The following CPED1 variants were observed in gnomAD, a reference collection of about 807,000 sequenced individuals.
The protein encoded by CPED1 is cadherin like and PC-esterase domain containing 1.
In CPED1, 114 loss-of-function variants were observed where a neutral mutation model predicts 128.2. The observed-to-expected ratio is 0.89, with a 90% CI of 0.76 to 1.04. The LOEUF is 1.04. Among genes scored for constraint, CPED1 ranks in the 50% least tolerant of loss-of-function variants. The pLI, the probability that CPED1 is intolerant of heterozygous loss-of-function variation, is 0.00. For synonymous variants in CPED1, 462 were observed against 426.7 expected (o/e 1.08, Z -1.02); for missense variants, 1,211 against 1,207.1 (o/e 1.00, Z -0.05).
intron 16 of CPED1, among the ~76,000 whole-genome samples, chr7:121,147,680 G>A (rs575949958): frequency 7.9e-4 from 120 of 152,086 alleles, no homozygotes; most frequent in Non-Finnish European, 1.6e-3. Flanking sequence ...CACCAGAATA[G>A]GGTCATAAAT....
intron 15 of CPED1, 116 bp from the exon 16 acceptor site, chr7:121,141,857 A>G: frequency 1.4e-6 from 1 of 736,684 alleles, no homozygotes; most frequent in Middle Eastern, 2.5e-4. Flanking sequence ...AATTGTACAG[A>G]CCTTTCCTGT....
At chr7:121,124,167 T>C (rs763985604) in intron 7 of CPED1, among the ~76,000 whole-genome samples, 164 bp from the exon 8 acceptor site, 5 of 152,192 alleles carry the variant, frequency 3.3e-5, no homozygotes, top group Non-Finnish European at 7.4e-5. Flanking sequence ...TCTCTTTCAA[T>C]ATACCTGTAT....
At chr7:121,293,108 A>G (rs1792745522) in intron 22 of CPED1, among the ~76,000 whole-genome samples, 1 of 152,174 alleles carries the variant, frequency 6.6e-6, no homozygotes, top group Non-Finnish European at 1.5e-5. Context: ...AGTCTGCTGA[A>G]GCTGCAACCA....
At chr7:121,031,061 A>G (rs1792716978) in intron 3 of CPED1, among the ~76,000 whole-genome samples, 1 of 152,198 alleles carries the variant, frequency 6.6e-6, no homozygotes, top group African/African-American at 2.4e-5. Context: ...TTTAACCAGA[A>G]TATCATACAG....
intron 17 of CPED1, among the ~76,000 whole-genome samples, chr7:121,240,290 C>A (rs1055734775): frequency 6.6e-6 from 1 of 152,224 alleles, no homozygotes; most frequent in African/African-American, 2.4e-5. Flanking sequence ...TCAGTTTTTA[C>A]AAAATTAGCT....
intron 10 of CPED1, 44 bp downstream of exon 10, chr7:121,127,301 T>A (rs367905974): frequency 1.4e-5 from 17 of 1,237,778 alleles, no homozygotes; most frequent in Non-Finnish European, 1.9e-5. Flanking sequence ...TTCAAGTCAT[T>A]CCTTAGAAGG....
intron 18 of CPED1, among the ~76,000 whole-genome samples, chr7:121,251,868 T>C (rs13230457): frequency 6.6e-6 from 1 of 150,544 alleles, no homozygotes; most frequent in Non-Finnish European, 1.5e-5. Flanking sequence ...GAATCAATAT[T>C]GTGAAAATGG....
At chr7:121,264,558 G>T (rs993737428) in intron 18 of CPED1, among the ~76,000 whole-genome samples, 2 of 152,014 alleles carry the variant, frequency 1.3e-5, no homozygotes, top group African/African-American at 4.8e-5. Context: ...AGGCAAATTG[G>T]AGAAGCTTTC....
At chr7:121,108,550 A>G (rs1359847019) in intron 7 of CPED1, among the ~76,000 whole-genome samples, 2 of 152,158 alleles carry the variant, frequency 1.3e-5, no homozygotes, top group Non-Finnish European at 2.9e-5. Flanking sequence ...TATTAGTCAT[A>G]AACTTGTGAG....
intron 4 of CPED1, among the ~76,000 whole-genome samples, chr7:121,055,809 A>G (rs961505645): frequency 6.6e-6 from 1 of 151,970 alleles, no homozygotes; most frequent in South Asian, 2.1e-4. Flanking sequence ...ACTGTTAGAA[A>G]ATACAATTTC....
chr7:121,280,573 AGTTTTAGTCTTG>A (rs1792442763), intron 22 of CPED1, among the ~76,000 whole-genome samples: 1 of 152,182 alleles, frequency 6.6e-6, no homozygotes, highest in Non-Finnish European at 1.5e-5. Flanking sequence ...TCCTAAAGAA[AGTTTTAGTCTTG>A]CCCCCTAATC....
intron 5 of CPED1, among the ~76,000 whole-genome samples, chr7:121,071,883 T>G (rs1011678765): frequency 6.6e-6 from 1 of 152,132 alleles, no homozygotes; most frequent in African/African-American, 2.4e-5. Flanking sequence ...GTAGCCCTGC[T>G]CAGTAACTTT....
In CPED1 at chr7:121,130,200, C is replaced by T. The variant is rs1425835025; in HGVS notation, c.1483C>T (p.Pro495Ser). The T allele has an allele frequency of 1.9e-6, 3 of 1,612,286 alleles. No homozygotes were observed. Among genetic ancestry groups the T allele is most frequent in the Non-Finnish European group, 2.5e-6 (3 of 1,178,644 alleles). ...FYDVANPVGN[P>S]GSVLTQYWSL... ...TGATGTGGCAAATCCTGTGGGAAAT[C>T]CTGGCTCAGTCCTGACCCAATACTG... The change falls in exon 12 of 23, where the codon CCT (proline) becomes TCT (serine). Residue 495 changes from proline to serine, a missense_variant. By Grantham distance (74) the Pro-to-Ser change is moderately conservative. Transcript: ENST00000310396.
At position 121,236,732 on chromosome 7, in the gene CPED1, C is replaced by G; in HGVS notation, c.2074C>G (p.His692Asp). ...GFVQDCGLLI[H>D]PEETCGLQPI... ...AATGCAGGATTGTGGTTTGCTGATT[C>G]ATCCAGAGGAAACCTGTGGGTTACA... Residue 692 changes from histidine (H) to aspartate (D), a missense_variant, in exon 17 of 23, where the codon CAT (histidine) becomes GAT (aspartate). Coordinates refer to ENST00000310396, the MANE Select transcript of CPED1 (RefSeq NM_024913.5). 1 of 1,595,584 alleles carries G rather than the reference C, an allele frequency of 6.3e-7. No homozygotes were observed. The highest frequency in any genetic ancestry group is 8.5e-7 in the Non-Finnish European group (1 of 1,172,134).
intron 4 of CPED1, among the ~76,000 whole-genome samples, chr7:121,059,738 C>G (rs1257643911): frequency 6.6e-6 from 1 of 152,152 alleles, no homozygotes; most frequent in Non-Finnish European, 1.5e-5. Flanking sequence ...TTACTTTTGC[C>G]TCTGACAATA....
intron 19 of CPED1, 124 bp downstream of exon 19, chr7:121,266,571 C>A: frequency 1.7e-6 from 2 of 1,156,044 alleles, no homozygotes; most frequent in Non-Finnish European, 2.6e-6. Context: ...CCAAGTAAGG[C>A]AGCAGAAAAC....
chr7:121,019,620 T>A (rs1792386592), intron 3 of CPED1, among the ~76,000 whole-genome samples: 1 of 152,060 alleles, frequency 6.6e-6, no homozygotes, highest in African/African-American at 2.4e-5. Flanking sequence ...GCCTATGATT[T>A]AACTGCATAG....
chr7:121,145,115 T>C (rs1484505888), intron 16 of CPED1, among the ~76,000 whole-genome samples: 1 of 151,502 alleles, frequency 6.6e-6, no homozygotes. Flanking sequence ...TTATACAATA[T>C]ATCAACTATA....
Position 121,137,269 on chromosome 7 carries a change from A to G in CPED1, c.1699+1179A>G, listed in dbSNP as rs146397162. Among the ~76,000 whole-genome samples the G allele has an allele frequency of 1.1e-4, 16 of 152,108 alleles. No individual in the cohort carries two copies. The East Asian group carries it at 3.1e-3, about 29-fold the overall frequency. On this transcript the variant is annotated intron_variant, in intron 14 of 22. Coordinates refer to ENST00000310396, the MANE Select transcript of CPED1 (RefSeq NM_024913.5). ...TCACTGCAACCTCGACTTCCTGGGC[A>G]CAAGCAATCCTCCTCCTTCATCCTC...
Sources: allele counts gnomAD v4.1 joint callset (sites outside exome capture counted in the v4.1 genomes callset), GRCh38; gene constraint gnomAD v4.1.1; transcripts MANE v1.5; gene names NCBI Gene and HGNC (gene_info 2026-07-23, HGNC 2026-07-21).